The following TPD52 variants were observed in gnomAD, a reference collection of about 807,000 sequenced individuals.
TPD52 encodes prostate and colon associated protein.
In TPD52, 17 loss-of-function variants were observed where a neutral mutation model predicts 31.3. The ratio of observed to expected loss-of-function variants is 0.54; its 90% CI spans 0.37 to 0.82. The LOEUF (loss-of-function observed/expected upper bound fraction) is 0.82, where lower values mean the gene tolerates loss of function less well. Ranked by LOEUF, TPD52 falls within the 40% of genes least tolerant of loss-of-function variation. TPD52 has a pLI of 0.00. For synonymous variants in TPD52, 83 were observed against 89.6 expected, an observed-to-expected ratio of 0.93 and a Z score of 0.42; for missense variants, 212 against 240.1, an observed-to-expected ratio of 0.88 and a Z score of 0.77.
intron 1 of TPD52, among the ~76,000 whole-genome samples, chr8:80,112,599 T>G (rs6993390): frequency 6.6e-6 from 1 of 151,840 alleles, no homozygotes; most frequent in African/African-American, 2.4e-5. Flanking sequence ...CAATGTAGAG[T>G]TTATTGGGCT....
At chr8:80,091,177 A>G (rs1816228696) in intron 1 of TPD52, among the ~76,000 whole-genome samples, 1 of 152,184 alleles carries the variant, frequency 6.6e-6, no homozygotes, top group Non-Finnish European at 1.5e-5. Flanking sequence ...GGATTCTAAA[A>G]TACACAAAAG....
At chr8:80,042,524 T>C (rs891329047) in intron 7 of TPD52, 96 bp downstream of exon 7, 1 of 1,530,092 alleles carries the variant, frequency 6.5e-7, no homozygotes, top group African/African-American at 1.4e-5. Flanking sequence ...TAGATATTTT[T>C]AGAAAGAAAT....
rs149693479 is a variant in TPD52 at position 80,151,409 on chromosome 8, G to A, written c.19+20016C>T. ...AGGCTTAAAACTTGAAGAAACAGCC[G>A]AAGTGATTGTTAAAGTATATTAAAC... On this transcript the variant is annotated intron_variant, in intron 1 of 7. Transcript: ENST00000518937. 2.5e-3 allele frequency among the ~76,000 whole-genome samples: 376 copies of A among 152,306 alleles called. 1 individual carries two copies. The highest frequency in any genetic ancestry group is 0.017 in the Middle Eastern group (5 of 294).
chr8:80,124,241 C>T lies in TPD52; in HGVS notation c.19+47184G>A, dbSNP rs191248828. Among the ~76,000 whole-genome samples, 14 of 152,022 alleles carry T rather than the reference C, an allele frequency of 9.2e-5. No individual in the cohort carries two copies. In the East Asian group the frequency reaches 2.1e-3, roughly 23 times the overall value. On this transcript the variant is annotated intron_variant, in intron 1 of 7. Transcript: ENST00000518937. Reference sequence around the variant, plus strand: ...AGTGCACTGGCACAATCTTTGCTCACTGCAATCTCGACCTCCCGGGCTCAA... The same window carrying T: ...AGTGCACTGGCACAATCTTTGCTCATTGCAATCTCGACCTCCCGGGCTCAA...
At chr8:80,105,729 C>CTTTT (rs57266800) in intron 1 of TPD52, among the ~76,000 whole-genome samples, 2 of 112,762 alleles carry the variant, frequency 1.8e-5, no homozygotes, top group Non-Finnish European at 3.4e-5. Flanking sequence ...CCCAGGTCTG[C>CTTTT]TTTTTTTTTT....
At chr8:80,060,004 C>T (rs1259994228) in intron 2 of TPD52, among the ~76,000 whole-genome samples, 2 of 151,056 alleles carry the variant, frequency 1.3e-5, no homozygotes, top group Non-Finnish European at 2.9e-5. Context: ...TTGCTTGAAC[C>T]CTGGAGGCAG....
chr8:80,115,830 C>T (rs1586329074), intron 1 of TPD52, among the ~76,000 whole-genome samples: 1 of 151,968 alleles, frequency 6.6e-6, no homozygotes, highest in African/African-American at 2.4e-5. Flanking sequence ...TCTGACCACA[C>T]AAAACTTTAA....
At chr8:80,113,591 T>C (rs188583856) in intron 1 of TPD52, among the ~76,000 whole-genome samples, 334 of 152,262 alleles carry the variant, frequency 2.2e-3, no homozygotes, top group African/African-American at 7.6e-3. Flanking sequence ...TGGAATACTA[T>C]GCTGCCATAA....
chr8:80,093,394 G>A (rs1031948554), intron 1 of TPD52, among the ~76,000 whole-genome samples: 3 of 152,074 alleles, frequency 2.0e-5, no homozygotes, highest in Admixed American at 6.5e-5. Context: ...AAACACAAGC[G>A]ACTGTCACAA....
At chr8:80,054,218 A>C (rs1462569657) in intron 2 of TPD52, among the ~76,000 whole-genome samples, 1 of 152,188 alleles carries the variant, frequency 6.6e-6, no homozygotes, top group Non-Finnish European at 1.5e-5. Context: ...GTAGAAGCTG[A>C]AAAAACTTGA....
downstream of TPD52, among the ~76,000 whole-genome samples, chr8:80,034,249 A>G (rs1190489245): frequency 6.6e-6 from 1 of 152,094 alleles, no homozygotes; most frequent in East Asian, 1.9e-4. Context: ...CTGCATGGGC[A>G]GGGGACTTTC....
intron 3 of TPD52, chr8:80,052,649 G>T: frequency 7.8e-7 from 1 of 1,289,102 alleles, no homozygotes; most frequent in South Asian, 1.2e-5. Flanking sequence ...GAGCAGTTCG[G>T]TTTCTGCTGC....
chr8:80,046,454 T>C (rs948509055), intron 5 of TPD52, among the ~76,000 whole-genome samples: 2 of 152,210 alleles, frequency 1.3e-5, no homozygotes, highest in South Asian at 2.1e-4. Context: ...AATCTAACTA[T>C]AGGGTGGCTG....
chr8:80,109,573 A>G (rs1657431106), intron 1 of TPD52, among the ~76,000 whole-genome samples: 1 of 151,880 alleles, frequency 6.6e-6, no homozygotes, highest in African/African-American at 2.4e-5. Flanking sequence ...TGCCTGGCTA[A>G]TTTTTGTATT....
chr8:80,126,130 A>G (rs1010086059), intron 1 of TPD52, among the ~76,000 whole-genome samples: 3 of 152,192 alleles, frequency 2.0e-5, no homozygotes, highest in African/African-American at 7.2e-5. Context: ...GCTTTATTTA[A>G]TATCTATATT....
intron 1 of TPD52, among the ~76,000 whole-genome samples, chr8:80,091,670 C>T (rs1185107845): frequency 1.3e-5 from 2 of 151,544 alleles, no homozygotes; most frequent in East Asian, 3.9e-4. Context: ...ATGTTATGGT[C>T]ACTCCACATA....
intron 1 of TPD52, among the ~76,000 whole-genome samples, chr8:80,142,537 G>T (rs1368960056): frequency 1.3e-5 from 2 of 152,164 alleles, no homozygotes; most frequent in African/African-American, 4.8e-5. Flanking sequence ...TTCGAGACCA[G>T]CCTGAAGTAC....
intron 1 of TPD52, among the ~76,000 whole-genome samples, chr8:80,086,576 C>A (rs908448235): frequency 2.0e-5 from 3 of 151,850 alleles, no homozygotes; most frequent in Non-Finnish European, 4.4e-5. Context: ...AGTCTTGTAT[C>A]AATTTCAAAT....
chr8:80,160,889 CAAAAAAAAAA>C (rs58923055), intron 1 of TPD52, among the ~76,000 whole-genome samples: 11 of 95,040 alleles, frequency 1.2e-4, no homozygotes, highest in Middle Eastern at 6.5e-3. Flanking sequence ...ACTAAAAATA[CAAAAAAAAAA>C]AAAAAAAAAA....
Sources: gnomAD v4.1 joint callset for allele counts (sites outside exome capture counted in the v4.1 genomes callset) on GRCh38, gnomAD v4.1.1 for gene constraint, MANE v1.5 for transcripts, NCBI Gene and HGNC (gene_info 2026-07-23, HGNC 2026-07-21) for gene names.